Variants in CCSER1 observed in about 807,000 individuals in gnomAD.
CCSER1 encodes the protein coiled-coil serine rich protein 1.
Under a neutral mutation model 82.0 loss-of-function variants are expected in CCSER1, and 41 were observed. The ratio of observed to expected loss-of-function variants is 0.50; its 90% CI spans 0.39 to 0.65. The LOEUF (loss-of-function observed/expected upper bound fraction) is 0.65, where lower values mean the gene tolerates loss of function less well. Ranked by LOEUF, CCSER1 falls within the 30% of genes least tolerant of loss-of-function variation. The pLI is 0.00. For synonymous variants in CCSER1, 414 were observed against 383.9 expected, an observed-to-expected ratio of 1.08 and a Z score of -0.92; for missense variants, 1,119 against 1,064.2, an observed-to-expected ratio of 1.05 and a Z score of -0.72.
intron 9 of CCSER1, among the ~76,000 whole-genome samples, chr4:91,005,610 T>C (rs181551072): frequency 7.2e-5 from 11 of 152,324 alleles, no homozygotes; most frequent in Admixed American, 7.2e-4. Flanking sequence ...TATGGTATGG[T>C]TATCTGTATG....
At chr4:91,004,688 T>A (rs376103283) in intron 9 of CCSER1, among the ~76,000 whole-genome samples, 53 of 152,334 alleles carry the variant, frequency 3.5e-4, no homozygotes, top group Middle Eastern at 3.4e-3. Flanking sequence ...AAAATTTTGA[T>A]AGGTGTTTTT....
intron 4 of CCSER1, among the ~76,000 whole-genome samples, chr4:90,451,320 C>A (rs1000347426): frequency 6.6e-6 from 1 of 152,156 alleles, no homozygotes; most frequent in Non-Finnish European, 1.5e-5. Flanking sequence ...CTAGGAGGTA[C>A]TGGATGCCCC....
chr4:90,301,214 A>G (rs974656971), intron 1 of CCSER1, among the ~76,000 whole-genome samples: 1 of 152,170 alleles, frequency 6.6e-6, no homozygotes, highest in Non-Finnish European at 1.5e-5. Context: ...TTAATGATCC[A>G]TATCCAAATT....
intron 6 of CCSER1, among the ~76,000 whole-genome samples, chr4:90,721,286 C>T (rs1198399998): frequency 6.6e-6 from 1 of 151,762 alleles, no homozygotes; most frequent in Non-Finnish European, 1.5e-5. Flanking sequence ...GTCTGTTGGA[C>T]TTACAACCAA....
intron 7 of CCSER1, among the ~76,000 whole-genome samples, chr4:90,788,016 G>T (rs916953233): frequency 6.6e-6 from 1 of 152,060 alleles, no homozygotes; most frequent in South Asian, 2.1e-4. Flanking sequence ...ACTAAAATAT[G>T]CACAGATAAG....
At chr4:90,923,490 T>C (rs1728673476) in intron 9 of CCSER1, 43 bp downstream of exon 9, 3 of 1,327,990 alleles carry the variant, frequency 2.3e-6, no homozygotes, top group Non-Finnish European at 3.2e-6. Flanking sequence ...ATTATTGGCA[T>C]TCAGACCTCC....
At chr4:90,613,311 A>G (rs1720603420) in intron 5 of CCSER1, among the ~76,000 whole-genome samples, 1 of 152,178 alleles carries the variant, frequency 6.6e-6, no homozygotes, top group African/African-American at 2.4e-5. Flanking sequence ...TAGCCTCATA[A>G]TTGAAGGGTC....
At chr4:91,546,389 CT>C (rs899238372) in intron 10 of CCSER1, among the ~76,000 whole-genome samples, 3 of 151,774 alleles carry the variant, frequency 2.0e-5, no homozygotes, top group African/African-American at 7.3e-5. Flanking sequence ...TAACCCATGT[CT>C]TTTTTTGGAA....
intron 3 of CCSER1, among the ~76,000 whole-genome samples, chr4:90,376,050 G>C (rs774041860): frequency 6.6e-6 from 1 of 151,854 alleles, no homozygotes; most frequent in Non-Finnish European, 1.5e-5. Context: ...TAGATGCCAG[G>C]AATTAACTTG....
chr4:90,174,998 A>G (rs976189909), intron 1 of CCSER1, among the ~76,000 whole-genome samples: 1 of 151,970 alleles, frequency 6.6e-6, no homozygotes, highest in Admixed American at 6.6e-5. Flanking sequence ...GCTATTCCAA[A>G]CACAGGTATT....
chr4:90,602,728 C>T (rs1004413102), intron 5 of CCSER1, among the ~76,000 whole-genome samples: 6 of 152,102 alleles, frequency 3.9e-5, no homozygotes, highest in South Asian at 2.1e-4. Flanking sequence ...GCTTACCCTC[C>T]GCAAGTCTCA....
rs907516982 is a variant in CCSER1 at position 90,356,690 on chromosome 4, A to C, written c.1510-43346A>C. ...CGATCTTTATTTTTGTTGCATTTTA[A>C]TATTATTAAATCGTTTATGTATCCA... On this transcript the variant is annotated intron_variant, in intron 3 of 10. Coordinates refer to ENST00000509176, the MANE Select transcript of CCSER1 (RefSeq NM_001145065.2). Among the ~76,000 whole-genome samples, 10 of 151,866 alleles carry C rather than the reference A, an allele frequency of 6.6e-5. 1 individual carries two copies. Among genetic ancestry groups the C allele is most frequent in the African/African-American group, 2.4e-4 (10 of 41,444 alleles).
chr4:91,350,690 A>C (rs1748413209), intron 10 of CCSER1, among the ~76,000 whole-genome samples: 1 of 152,132 alleles, frequency 6.6e-6, no homozygotes, highest in South Asian at 2.1e-4. Flanking sequence ...TGACAAATAC[A>C]TAAGAATCAG....
At chr4:90,299,211 C>T (rs1004222208) in intron 1 of CCSER1, among the ~76,000 whole-genome samples, 1 of 152,056 alleles carries the variant, frequency 6.6e-6, no homozygotes, top group Non-Finnish European at 1.5e-5. Context: ...TGTCATGCTA[C>T]TTGCACACCA....
intron 10 of CCSER1, among the ~76,000 whole-genome samples, chr4:91,508,810 C>T (rs1607077): frequency 0.51 from 77,050 of 151,314 alleles, 19,825 homozygotes; most frequent in East Asian, 0.56. Context: ...GTTCTTCATT[C>T]GGTTTTGGTA....
chr4:90,789,587 G>A (rs1396521111), intron 7 of CCSER1, among the ~76,000 whole-genome samples: 9 of 152,036 alleles, frequency 5.9e-5, no homozygotes, highest in Admixed American at 3.3e-4. Context: ...GGAAGAACTC[G>A]GTGGGAGGTA....
intron 3 of CCSER1, among the ~76,000 whole-genome samples, chr4:90,368,583 G>C (rs1746725980): frequency 1.3e-5 from 2 of 151,872 alleles, no homozygotes; most frequent in Non-Finnish European, 2.9e-5. Context: ...AGTGAGCCAT[G>C]ATGGCACTAC....
chr4:91,214,289 G>C (rs376937791), intron 10 of CCSER1, among the ~76,000 whole-genome samples: 11 of 152,168 alleles, frequency 7.2e-5, no homozygotes, highest in African/African-American at 2.4e-4. Flanking sequence ...AAATATGTAG[G>C]TATTTAATGA....
intron 1 of CCSER1, among the ~76,000 whole-genome samples, chr4:90,264,790 T>C (rs1724956557): frequency 6.6e-6 from 1 of 152,136 alleles, no homozygotes; most frequent in South Asian, 2.1e-4. Context: ...TATTCCTGTC[T>C]GGATTATTAA....
Sources: allele counts gnomAD v4.1 joint callset (sites outside exome capture counted in the v4.1 genomes callset), GRCh38; gene constraint gnomAD v4.1.1; transcripts MANE v1.5; gene names NCBI Gene and HGNC (gene_info 2026-07-23, HGNC 2026-07-21).